AGAP1: variants seen among roughly 807,000 people sequenced by gnomAD.
The protein encoded by AGAP1 is ArfGAP with GTPase domain, ankyrin repeat and PH domain 1.
Under a neutral mutation model 105.3 loss-of-function variants are expected in AGAP1, and 29 were observed. That is an observed-to-expected ratio of 0.28 (90% CI 0.21 to 0.38). The LOEUF (loss-of-function observed/expected upper bound fraction) is 0.38. Among genes scored for constraint, AGAP1 ranks in the 10% least tolerant of loss-of-function variants. The probability of loss-of-function intolerance (pLI) is 1.00; values close to 1 mark genes in which losing one functional copy is unlikely to be tolerated. For synonymous variants in AGAP1, 509 were observed against 485.9 expected (o/e 1.05, Z -0.63); for missense variants, 998 against 1,165.1 (o/e 0.86, Z 2.09).
chr2:235,802,050 G>C (rs768051799), intron 8 of AGAP1, among the ~76,000 whole-genome samples: 9 of 152,100 alleles, frequency 5.9e-5, no homozygotes, highest in Non-Finnish European at 1.2e-4. Flanking sequence ...AAGGCAGAGA[G>C]AATCAAAATA....
chr2:236,078,037 T>TTGTGTGTGTGTGTGTG lies in AGAP1; in HGVS notation c.2114+28778_2114+28793dup, dbSNP rs9287595. On this transcript the variant is annotated intron_variant, in intron 16 of 17. Coordinates refer to ENST00000304032, the MANE Select transcript of AGAP1 (RefSeq NM_001037131.3). The surrounding 1 kb of genome is among the most constrained non-coding windows in gnomAD (Gnocchi z 5.3). ...AGGGTTCTCCAGAGAAACAACCAAT[T>TTGTGTGTGTGTGTGTG]TGTGTGTGTGTGTGTGTGTGTGTGT... Among the ~76,000 whole-genome samples, 25 of 140,506 alleles carry TTGTGTGTGTGTGTGTG rather than the reference T, an allele frequency of 1.8e-4. No individual in the cohort carries two copies. The highest frequency in any genetic ancestry group is 3.4e-4 in the African/African-American group (13 of 37,758). The allele number at this position is 140,506 out of a possible 152,430, so 92.2% of individuals were successfully genotyped here.
In AGAP1 at chr2:236,050,876, T is replaced by C. The variant is rs1419336465; in HGVS notation, c.2114+1595T>C. Among the ~76,000 whole-genome samples, 2 of 152,208 alleles carry C rather than the reference T, an allele frequency of 1.3e-5. No individual in the cohort carries two copies. Among genetic ancestry groups the C allele is most frequent in the African/African-American group, 4.8e-5 (2 of 41,456 alleles). On this transcript the variant is annotated intron_variant, in intron 16 of 17. Transcript: ENST00000304032. This position sits in a 1 kb window ranked among gnomAD's most constrained non-coding sequence, Gnocchi z 4.0. ...GGGTTCATGTTTTACCTGATAAATG[T>C]TTTATAATTTCATCTTCATTCATAA... is the stretch of plus-strand genomic sequence containing the variant.
At chr2:235,581,796 T>G (rs1360739252) in intron 1 of AGAP1, among the ~76,000 whole-genome samples, 1 of 151,804 alleles carries the variant, frequency 6.6e-6, no homozygotes, top group East Asian at 1.9e-4. Flanking sequence ...CAGAGCGAGA[T>G]TCCATCTTCA....
At chr2:236,065,937 T>C (rs1292277990) in intron 16 of AGAP1, among the ~76,000 whole-genome samples, 3 of 152,210 alleles carry the variant, frequency 2.0e-5, no homozygotes, top group Admixed American at 2.0e-4. Flanking sequence ...GTGCTGAGAT[T>C]CTAGGGAGTA....
At chr2:235,911,779 C>T (rs894460408) in intron 11 of AGAP1, among the ~76,000 whole-genome samples, 2 of 152,236 alleles carry the variant, frequency 1.3e-5, no homozygotes, top group African/African-American at 4.8e-5. Flanking sequence ...TTTCCATGGT[C>T]ACAGCCCTCA....
In AGAP1 at chr2:235,879,805, G is replaced by A. The variant is rs1045396703; in HGVS notation, c.1051-3540G>A. On this transcript the variant is annotated intron_variant, in intron 9 of 17. Coordinates refer to ENST00000304032, the MANE Select transcript of AGAP1 (RefSeq NM_001037131.3). The surrounding 1 kb of genome is among the most constrained non-coding windows in gnomAD (Gnocchi z 5.0). Reference sequence around the variant, plus strand: ...AAATTAGACAGACATGGTGGCATGTGTGTGTAGTCCTAGCTACTCGGAGGA... The same window carrying A: ...AAATTAGACAGACATGGTGGCATGTATGTGTAGTCCTAGCTACTCGGAGGA... 2.0e-5 allele frequency among the ~76,000 whole-genome samples: 3 copies of A among 152,174 alleles called. No homozygotes were observed. The highest frequency in any genetic ancestry group is 2.9e-5 in the Non-Finnish European group (2 of 68,034).
At chr2:235,572,664 A>C (rs1232366181) in intron 1 of AGAP1, among the ~76,000 whole-genome samples, 2 of 152,186 alleles carry the variant, frequency 1.3e-5, no homozygotes, top group Non-Finnish European at 2.9e-5. Flanking sequence ...AATAGTGGCC[A>C]ACTTCCCCAT....
At position 236,062,436 on chromosome 2, in the gene AGAP1, T is replaced by TTTGTTGTTGTTGTTG. The variant is rs145991084; in HGVS notation, c.2114+13167_2114+13181dup. Among the ~76,000 whole-genome samples, 33 of 151,022 alleles carry TTTGTTGTTGTTGTTG rather than the reference T, an allele frequency of 2.2e-4. No homozygotes were observed. Among genetic ancestry groups the TTTGTTGTTGTTGTTG allele is most frequent in the African/African-American group, 7.3e-4 (30 of 40,944 alleles). ...CTAGGAGCATACTCAGGACTCGTAT[T>TTTGTTGTTGTTGTTG]TTGTTGTTGTTGTTGTTGTTGTTGT... On this transcript the variant is annotated intron_variant, in intron 16 of 17. Transcript: ENST00000304032. This position sits in a 1 kb window ranked among gnomAD's most constrained non-coding sequence, Gnocchi z 4.2.
chr2:235,799,821 A>G lies in AGAP1; in HGVS notation c.957+299A>G. Among the ~76,000 whole-genome samples the G allele has an allele frequency of 6.6e-6, 1 of 152,182 alleles. No individual in the cohort carries two copies. The highest frequency in any genetic ancestry group is 1.9e-4 in the East Asian group (1 of 5,182). On this transcript the variant is annotated intron_variant, in intron 8 of 17. Transcript: ENST00000304032. The surrounding 1 kb of genome is among the most constrained non-coding windows in gnomAD (Gnocchi z 5.0). Reference sequence around the variant, plus strand: ...CAGCTAAAGATGTGTCACAGTGGATACAAGGAGATGACAAAACTCTAAGAT... The same window carrying G: ...CAGCTAAAGATGTGTCACAGTGGATGCAAGGAGATGACAAAACTCTAAGAT...
At chr2:235,746,377 C>CTTTTTCTTTTTTTTTTTTTTTTTTTT (rs1553620164) in intron 5 of AGAP1, among the ~76,000 whole-genome samples, 2 of 55,546 alleles carry the variant, frequency 3.6e-5, no homozygotes, top group Non-Finnish European at 6.1e-5. Context: ...CCTCCCCCAA[C>CTTTTTCTTTTTTTTTTTTTTTTTTTT]TTTTTTTTTT....
intron 1 of AGAP1, among the ~76,000 whole-genome samples, chr2:235,603,321 T>G (rs1197304055): frequency 6.6e-6 from 1 of 152,218 alleles, no homozygotes; most frequent in Non-Finnish European, 1.5e-5. Context: ...AAACCTCTTT[T>G]TGTTTATAAA....
intron 11 of AGAP1, among the ~76,000 whole-genome samples, chr2:235,926,342 A>G (rs183642705): frequency 6.6e-5 from 10 of 152,316 alleles, no homozygotes; most frequent in Admixed American, 6.5e-4. Context: ...ATGCCTCAAA[A>G]CTGTGGCCAC....
At position 236,080,086 on chromosome 2, in the gene AGAP1, G is replaced by A. The variant is rs1347425991; in HGVS notation, c.2114+30805G>A. ...CCCATGGCATCCGCACACATCAAGG[G>A]CTGCATTGCAGGAGAGGAACCCTAA... On this transcript the variant is annotated intron_variant, in intron 16 of 17. Transcript: ENST00000304032. This position sits in a 1 kb window ranked among gnomAD's most constrained non-coding sequence, Gnocchi z 4.2. 2.6e-5 allele frequency among the ~76,000 whole-genome samples: 4 copies of A among 152,330 alleles called. No individual in the cohort carries two copies. In the East Asian group the frequency reaches 7.7e-4, roughly 29 times the overall value.
chr2:235,839,836 A>G (rs1960600379), intron 9 of AGAP1, among the ~76,000 whole-genome samples: 1 of 152,192 alleles, frequency 6.6e-6, no homozygotes, highest in South Asian at 2.1e-4. Flanking sequence ...GCAGATTATC[A>G]TTTGAAAGAC....
intron 1 of AGAP1, among the ~76,000 whole-genome samples, chr2:235,579,683 G>A (rs542972558): frequency 6.6e-6 from 1 of 152,126 alleles, no homozygotes; most frequent in South Asian, 2.1e-4. Context: ...GGCTGACACA[G>A]GAGAATGGCG....
Position 236,053,017 on chromosome 2 carries a change from GGACA to G in AGAP1, c.2114+3738_2114+3741del, listed in dbSNP as rs2125722500. Among the ~76,000 whole-genome samples the G allele has an allele frequency of 6.6e-6, 1 of 152,300 alleles. No homozygotes were observed. The highest frequency in any genetic ancestry group is 2.1e-4 in the South Asian group (1 of 4,822). On this transcript the variant is annotated intron_variant, in intron 16 of 17. Transcript: ENST00000304032. This position sits in a 1 kb window ranked among gnomAD's most constrained non-coding sequence, Gnocchi z 4.6. ...AGAAGGGAGCCGTCAGCTGTGTGTA[GGACA>G]GGACTTCGTAACACCCGGCTTGTGC...
chr2:235,743,067 T>A (rs2149672365), intron 4 of AGAP1, among the ~76,000 whole-genome samples: 1 of 152,300 alleles, frequency 6.6e-6, no homozygotes, highest in South Asian at 2.1e-4. Context: ...TTTGGGAGGC[T>A]GAGGCAGCAG....
chr2:235,816,861 T>C (rs1958487199), intron 9 of AGAP1, among the ~76,000 whole-genome samples: 1 of 151,494 alleles, frequency 6.6e-6, no homozygotes, highest in African/African-American at 2.4e-5. Flanking sequence ...ACTGGACTCC[T>C]TTTTTGATCT....
In AGAP1 at chr2:235,574,195, A is replaced by T. The variant is rs1244870926; in HGVS notation, c.163+79346A>T. ...GTGACTGCATTCTGGCACCTGAAGC[A>T]TCTGGGCCTGGACGGACTCTTTCAG... On this transcript the variant is annotated intron_variant, in intron 1 of 17. Coordinates refer to ENST00000304032, the MANE Select transcript of AGAP1 (RefSeq NM_001037131.3). This position sits in a 1 kb window ranked among gnomAD's most constrained non-coding sequence, Gnocchi z 5.0. Among the ~76,000 whole-genome samples the T allele has an allele frequency of 6.6e-6, 1 of 152,208 alleles. No individual in the cohort carries two copies. Among genetic ancestry groups the T allele is most frequent in the African/African-American group, 2.4e-5 (1 of 41,468 alleles).
Sources: gnomAD v4.1 joint callset for allele counts (sites outside exome capture counted in the v4.1 genomes callset) on GRCh38, gnomAD v4.1.1 for gene constraint, Gnocchi (gnomAD v3.1) non-coding constraint, MANE v1.5 for transcripts, NCBI Gene and HGNC (gene_info 2026-07-23, HGNC 2026-07-21) for gene names.